The following DNAH3 variants were observed in gnomAD, a reference collection of about 807,000 sequenced individuals.
DNAH3 encodes the protein axonemal beta dynein heavy chain 3.
In DNAH3, 332 loss-of-function variants were observed where a neutral mutation model predicts 432.5. The observed-to-expected ratio is 0.77, with a 90% CI of 0.70 to 0.84. The LOEUF (loss-of-function observed/expected upper bound fraction) is 0.84. DNAH3 is among the 40% of genes least tolerant of loss of function. The probability of loss-of-function intolerance (pLI) is 0.00; values close to 1 mark genes in which losing one functional copy is unlikely to be tolerated. For missense variants in DNAH3, 4,861 were observed against 5,114.0 expected, an observed-to-expected ratio of 0.95 and a Z score of 1.51; for synonymous variants, 1,956 against 1,900.2, an observed-to-expected ratio of 1.03 and a Z score of -0.76.
At chr16:21,067,765 G>T (rs2090611170) in intron 23 of DNAH3, among the ~76,000 whole-genome samples, 1 of 90,018 alleles carries the variant, frequency 1.1e-5, no homozygotes, top group South Asian at 5.7e-4. Context: ...CTTGGGGGGG[G>T]GGGTGGGGAG....
intron 18 of DNAH3, among the ~76,000 whole-genome samples, chr16:21,095,509 T>C (rs528357921): frequency 5.3e-5 from 8 of 152,230 alleles, no homozygotes; most frequent in Admixed American, 4.6e-4. Context: ...ATAGGAACAA[T>C]GAAGAGATCA....
intron 10 of DNAH3, 129 bp downstream of exon 11, chr16:21,121,816 G>A: frequency 3.0e-6 from 2 of 672,790 alleles, no homozygotes; most frequent in Non-Finnish European, 4.9e-6. Context: ...GTTATATTCA[G>A]GATATATCTC....
chr16:21,145,985 T>C, exon 2 of DNAH3: 1 of 1,604,994 alleles, frequency 6.2e-7, no homozygotes, highest in East Asian at 2.2e-5. Context: ...TGTGCATACC[T>C]GATAGAGTCC....
rs1441965805 is a variant in DNAH3 at position 21,106,176 on chromosome 16, CTAAAAAAAAAAAA to C, written c.2284+301_2284+313del. Among the ~76,000 whole-genome samples the C allele has an allele frequency of 1.7e-4, 17 of 99,584 alleles. No individual in the cohort carries two copies. The East Asian group carries it at 5.0e-3, about 29-fold the overall frequency. The allele number at this position is 99,584 out of a possible 152,430, so 65.3% of individuals were successfully genotyped here. A position where few individuals can be genotyped will look rare whatever the true frequency, so the allele number is the denominator to read the frequency against. The stretch of plus-strand genomic sequence containing the variant: ...ACCTGATGACAGAGCGAGACTCCAT[CTAAAAAAAAAAAA>C]AAAAAAAAAAGAACTGGAGGTCAAG... On this transcript the variant is annotated intron_variant, in intron 15 of 61. Coordinates refer to ENST00000261383, the Ensembl canonical transcript of DNAH3.
chr16:20,933,646 C>T (rs2083489464), intron 61 of DNAH3, 139 bp from the exon 62 acceptor site: 2 of 672,816 alleles, frequency 3.0e-6, no homozygotes, highest in Middle Eastern at 4.2e-4. Flanking sequence ...GACAATGGGG[C>T]TTCTGTGATA....
At chr16:21,067,170 C>G in intron 24 of DNAH3, 113 bp downstream of exon 24, 1 of 1,201,252 alleles carries the variant, frequency 8.3e-7, no homozygotes, top group South Asian at 1.3e-5. Context: ...AATGGAAAAC[C>G]AGGAAAGAGT....
intron 59 of DNAH3, among the ~76,000 whole-genome samples, chr16:20,939,846 C>T (rs1193096241): frequency 6.6e-6 from 1 of 152,188 alleles, no homozygotes. Flanking sequence ...TTGAGACCTA[C>T]ATCAAATCAC....
At chr16:20,989,904 C>T (rs1265249311) in intron 44 of DNAH3, among the ~76,000 whole-genome samples, 1 of 152,316 alleles carries the variant, frequency 6.6e-6, no homozygotes, top group East Asian at 1.9e-4. Context: ...CCTCATTGCC[C>T]GGGGCCGGCA....
intron 3 of DNAH3, among the ~76,000 whole-genome samples, chr16:21,143,124 T>C (rs1486716142): frequency 2.0e-5 from 3 of 152,290 alleles, no homozygotes; most frequent in South Asian, 2.1e-4. Flanking sequence ...CCTGAGAATT[T>C]TGGGGACAAT....
At chr16:21,091,248 G>T (rs936634889) in intron 18 of DNAH3, among the ~76,000 whole-genome samples, 2 of 151,948 alleles carry the variant, frequency 1.3e-5, no homozygotes, top group Non-Finnish European at 2.9e-5. Context: ...ATTGGTGAGG[G>T]TGTGGATATG....
At chr16:21,087,127 C>A (rs771711677) in intron 18 of DNAH3, 67 bp from the exon 19 acceptor site, 12 of 1,333,676 alleles carry the variant, frequency 9.0e-6, no homozygotes, top group African/African-American at 1.4e-5. Flanking sequence ...ACCTTTAATT[C>A]CCTGAACTTA....
intron 15 of DNAH3, among the ~76,000 whole-genome samples, chr16:21,106,177 TA>T (rs767198150): frequency 2.2e-3 from 213 of 97,574 alleles, no homozygotes; most frequent in East Asian, 3.2e-3. Flanking sequence ...AGACTCCATC[TA>T]AAAAAAAAAA....
chr16:21,058,223 AG>A, intron 26 of DNAH3, 27 bp from the exon 27 acceptor site: 1 of 1,401,848 alleles, frequency 7.1e-7, no homozygotes, highest in Non-Finnish European at 1.0e-6. Flanking sequence ...GGCATGTTAT[AG>A]GATCAGTTCA....
At chr16:21,145,285 G>C in exon 3 of DNAH3, 1 of 1,614,164 alleles carries the variant, frequency 6.2e-7, no homozygotes, top group Admixed American at 1.7e-5. Flanking sequence ...GGCCATCAAG[G>C]AGTAGTTGTT....
At chr16:21,156,277 G>A (rs1012766374) in intron 1 of DNAH3, among the ~76,000 whole-genome samples, 31 of 149,954 alleles carry the variant, frequency 2.1e-4, no homozygotes, top group African/African-American at 7.1e-4. Context: ...TGTTGCCCAG[G>A]CTAGAGTGCA....
chr16:21,086,915 G>C (rs1193038796), exon 19 of DNAH3: 1 of 1,614,172 alleles, frequency 6.2e-7, no homozygotes, highest in South Asian at 1.1e-5. Flanking sequence ...TGTACTGCTT[G>C]AACTTATCGA....
At chr16:21,092,809 T>C (rs923727513) in intron 18 of DNAH3, among the ~76,000 whole-genome samples, 29 of 126,714 alleles carry the variant, frequency 2.3e-4, no homozygotes, top group African/African-American at 8.2e-4. Context: ...AACTTAAAAA[T>C]AGGCAAAAGC....
chr16:21,002,420 G>A (rs2087066076), intron 42 of DNAH3, among the ~76,000 whole-genome samples: 1 of 150,118 alleles, frequency 6.7e-6, no homozygotes, highest in Non-Finnish European at 1.5e-5. Flanking sequence ...TAACTGAGAA[G>A]CACACTGATG....
chr16:21,121,793 C>G (rs1229543916), intron 10 of DNAH3, 152 bp downstream of exon 11: 1 of 529,352 alleles, frequency 1.9e-6, no homozygotes, highest in Non-Finnish European at 3.2e-6. Context: ...AATCATTTGT[C>G]TGGGGTCAAG....
Sources: allele counts gnomAD v4.1 joint callset (sites outside exome capture counted in the v4.1 genomes callset), GRCh38; gene constraint gnomAD v4.1.1; transcripts MANE v1.5; gene names NCBI Gene and HGNC (gene_info 2026-07-23, HGNC 2026-07-21).